The following SGCD variants were observed in gnomAD, a reference collection of about 807,000 sequenced individuals.
SGCD encodes the protein sarcoglycan delta.
In SGCD, 18 loss-of-function variants were observed where a neutral mutation model predicts 36.6. The ratio of observed to expected loss-of-function variants is 0.49; its 90% CI spans 0.34 to 0.73. The LOEUF (loss-of-function observed/expected upper bound fraction) is 0.73. Ranked by LOEUF, SGCD falls within the 30% of genes least tolerant of loss-of-function variation. SGCD has a pLI of 0.01. For synonymous variants in SGCD, 133 were observed against 130.6 expected, an observed-to-expected ratio of 1.02 and a Z score of -0.12; for missense variants, 387 against 346.7, an observed-to-expected ratio of 1.12 and a Z score of -0.92.
At chr5:156,626,210 G>A (rs962563777) in intron 6 of SGCD, among the ~76,000 whole-genome samples, 4 of 152,212 alleles carry the variant, frequency 2.6e-5, no homozygotes, top group Non-Finnish European at 4.4e-5. Flanking sequence ...AGCGCTGACT[G>A]CAGCGCCCCT....
At chr5:156,197,065 T>C (rs985477206) in intron 3 of SGCD, among the ~76,000 whole-genome samples, 1 of 152,222 alleles carries the variant, frequency 6.6e-6, no homozygotes, top group Non-Finnish European at 1.5e-5. Flanking sequence ...CAATCTCCTA[T>C]TGTCAGATAT....
chr5:155,814,383 C>T, the SGCD span, among the ~76,000 whole-genome samples: 1 of 152,310 alleles, frequency 6.6e-6, no homozygotes, highest in African/African-American at 2.4e-5. Context: ...GGTTATTCAC[C>T]TCTTGCTACG....
chr5:156,560,459 A>G (rs975770969), intron 4 of SGCD, among the ~76,000 whole-genome samples: 4 of 152,164 alleles, frequency 2.6e-5, no homozygotes, highest in African/African-American at 7.2e-5. Flanking sequence ...AATTCGGCTA[A>G]GTGTTGACAT....
At chr5:156,120,062 T>C (rs557554978) in intron 2 of SGCD, among the ~76,000 whole-genome samples, 1 of 152,284 alleles carries the variant, frequency 6.6e-6, no homozygotes, top group South Asian at 2.1e-4. Flanking sequence ...CTCATTTTAT[T>C]TTACCATATA....
At chr5:156,623,771 T>C (rs760915857) in intron 6 of SGCD, among the ~76,000 whole-genome samples, 12 of 152,212 alleles carry the variant, frequency 7.9e-5, no homozygotes, top group Non-Finnish European at 1.3e-4. Flanking sequence ...GCTTTTCTTC[T>C]TTGGCTGTTA....
At chr5:155,933,947 A>G (rs552917202) in intron 1 of SGCD, among the ~76,000 whole-genome samples, 4 of 152,252 alleles carry the variant, frequency 2.6e-5, no homozygotes, top group African/African-American at 9.6e-5. Flanking sequence ...ACCAAGCTTA[A>G]CAAGAATGGA....
At chr5:156,546,025 G>A (rs531354318) in intron 4 of SGCD, among the ~76,000 whole-genome samples, 28 of 152,222 alleles carry the variant, frequency 1.8e-4, no homozygotes, top group Admixed American at 3.3e-4. Context: ...AAGAATAAAT[G>A]TCCCTCAAAA....
intron 3 of SGCD, among the ~76,000 whole-genome samples, chr5:156,147,502 A>AT (rs1241085259): frequency 1.3e-5 from 2 of 151,968 alleles, no homozygotes; most frequent in African/African-American, 2.4e-5. Flanking sequence ...ACATTTTTAA[A>AT]TTTTTTTCTT....
chr5:156,744,982 T>C (rs1561892746), intron 7 of SGCD, among the ~76,000 whole-genome samples: 1 of 152,158 alleles, frequency 6.6e-6, no homozygotes. Flanking sequence ...TAAAGGAGCG[T>C]GAGAACACAG....
intron 3 of SGCD, among the ~76,000 whole-genome samples, chr5:156,197,617 TG>T (rs1253246912): frequency 6.6e-6 from 1 of 152,024 alleles, no homozygotes; most frequent in East Asian, 1.9e-4. Context: ...AGCACCATAT[TG>T]TTCAATTAAT....
At chr5:155,770,931 C>G in the SGCD span, among the ~76,000 whole-genome samples, 1 of 152,100 alleles carries the variant, frequency 6.6e-6, no homozygotes, top group South Asian at 2.1e-4. Flanking sequence ...CGTGATCTCT[C>G]TTAAGTATTC....
chr5:155,870,456 C>T (rs1427941800), intron 1 of SGCD: 5 of 152,160 alleles, frequency 3.3e-5, no homozygotes, highest in African/African-American at 9.7e-5. Context: ...ACATTATTTA[C>T]TGTTGCCTTA....
rs866634280 is a variant in SGCD at position 156,511,334 on chromosome 5, C to A, written c.294+2632C>A. On this transcript the variant is annotated intron_variant, in intron 4 of 8. Transcript: ENST00000337851. ...TTCATTCACTCTTCTGCATCACACA[C>A]CACACCTTAGGTCAAGCCACTGTCT... Among the ~76,000 whole-genome samples, 5 of 152,324 alleles carry A rather than the reference C, an allele frequency of 3.3e-5. No individual in the cohort carries two copies. The South Asian group carries it at 6.2e-4, about 19-fold the overall frequency.
At chr5:156,578,643 G>A (rs1469358173) in intron 4 of SGCD, among the ~76,000 whole-genome samples, 1 of 152,174 alleles carries the variant, frequency 6.6e-6, no homozygotes, top group African/African-American at 2.4e-5. Context: ...TTAGTCTTGG[G>A]AGGTTGTATG....
intron 4 of SGCD, among the ~76,000 whole-genome samples, chr5:156,549,032 C>T (rs1231316799): frequency 6.6e-6 from 1 of 151,924 alleles, no homozygotes; most frequent in Non-Finnish European, 1.5e-5. Flanking sequence ...GATTATGTCT[C>T]CCCTCCCACC....
intron 3 of SGCD, among the ~76,000 whole-genome samples, chr5:156,487,516 G>A (rs1252425538): frequency 2.6e-5 from 4 of 152,198 alleles, no homozygotes; most frequent in Non-Finnish European, 2.9e-5. Context: ...AAGGTCAGGC[G>A]TGGTGGCTCA....
chr5:156,529,423 C>CAAAAAAA (rs397884521), intron 4 of SGCD, among the ~76,000 whole-genome samples: 1 of 59,144 alleles, frequency 1.7e-5, no homozygotes, highest in Non-Finnish European at 3.3e-5. Flanking sequence ...GACTCTGTCT[C>CAAAAAAA]AAAAAAAAAA....
intron 3 of SGCD, among the ~76,000 whole-genome samples, chr5:156,447,501 T>C (rs1227067482): frequency 6.6e-6 from 1 of 152,174 alleles, no homozygotes; most frequent in Non-Finnish European, 1.5e-5. Context: ...GTGTGCCTCA[T>C]AGAATATAAA....
At chr5:155,893,163 G>T (rs1465971675) in intron 1 of SGCD, among the ~76,000 whole-genome samples, 2 of 151,866 alleles carry the variant, frequency 1.3e-5, no homozygotes, top group African/African-American at 4.8e-5. Flanking sequence ...TTGAGATCCT[G>T]GATATGCCTA....
Sources: allele counts gnomAD v4.1 joint callset (sites outside exome capture counted in the v4.1 genomes callset), GRCh38; gene constraint gnomAD v4.1.1; transcripts MANE v1.5; gene names NCBI Gene and HGNC (gene_info 2026-07-23, HGNC 2026-07-21).